ANKRD62: variants seen among roughly 807,000 people sequenced by gnomAD.
The protein encoded by ANKRD62 is ankyrin repeat domain 62.
ANKRD62 carries 61 observed loss-of-function variants against 98.8 expected under a neutral mutation model. The ratio of observed to expected loss-of-function variants is 0.62; its 90% CI spans 0.50 to 0.76. The LOEUF (loss-of-function observed/expected upper bound fraction) is 0.76, where lower values mean the gene tolerates loss of function less well. Among genes scored for constraint, ANKRD62 ranks in the 30% least tolerant of loss-of-function variants. ANKRD62 has a pLI of 0.00. For synonymous variants in ANKRD62, 341 were observed against 367.9 expected (o/e 0.93, Z 0.84); for missense variants, 933 against 1,082.9 (o/e 0.86, Z 1.94).
intron 10 of ANKRD62, among the ~76,000 whole-genome samples, chr18:12,116,888 T>TA (rs1454698738): frequency 3.9e-5 from 6 of 152,142 alleles, no homozygotes; most frequent in Non-Finnish European, 5.9e-5. Flanking sequence ...TCCTACTCTT[T>TA]AAAAAAATGG....
the ANKRD62 span, among the ~76,000 whole-genome samples, chr18:12,144,895 C>T: frequency 7.8e-6 from 1 of 127,922 alleles, no homozygotes; most frequent in Admixed American, 8.3e-5. Flanking sequence ...TGTAATCCCA[C>T]CACTTTGGGA....
At chr18:12,167,848 T>C in the ANKRD62 span, among the ~76,000 whole-genome samples, 6 of 152,206 alleles carry the variant, frequency 3.9e-5, no homozygotes, top group Non-Finnish European at 5.9e-5. Context: ...TGGTATCTCA[T>C]TGTGGTTTTG....
chr18:12,179,642 G>T, the ANKRD62 span, among the ~76,000 whole-genome samples: 1 of 151,398 alleles, frequency 6.6e-6, no homozygotes, highest in Non-Finnish European at 1.5e-5. Flanking sequence ...CTGCTGCCTG[G>T]AACACTGTCC....
At chr18:12,108,588 T>C (rs890300981) in intron 8 of ANKRD62, among the ~76,000 whole-genome samples, 2 of 152,178 alleles carry the variant, frequency 1.3e-5, no homozygotes, top group African/African-American at 4.8e-5. Flanking sequence ...TCAAATCTCA[T>C]GTCCTTTTCA....
chr18:12,115,696 C>T (rs1376582970), intron 10 of ANKRD62, among the ~76,000 whole-genome samples, 162 bp downstream of exon 10: 1 of 152,122 alleles, frequency 6.6e-6, no homozygotes, highest in Non-Finnish European at 1.5e-5. Context: ...ATCTTGTATA[C>T]TCTTAGCCAA....
chr18:12,120,250 A>G (rs11663207), intron 10 of ANKRD62, among the ~76,000 whole-genome samples: 1 of 152,040 alleles, frequency 6.6e-6, no homozygotes, highest in Admixed American at 6.6e-5. Flanking sequence ...ACTTCAGATT[A>G]CCTAGAAATT....
chr18:12,156,336 T>A, the ANKRD62 span, among the ~76,000 whole-genome samples: 1 of 152,112 alleles, frequency 6.6e-6, no homozygotes, highest in African/African-American at 2.4e-5. Context: ...TCAAAAATAT[T>A]CTCCAACTCC....
At chr18:12,109,126 C>T (rs1368242901) in intron 8 of ANKRD62, among the ~76,000 whole-genome samples, 1 of 152,232 alleles carries the variant, frequency 6.6e-6, no homozygotes, top group Non-Finnish European at 1.5e-5. Flanking sequence ...CCATTGGCAA[C>T]TCTTTTTGGG....
chr18:12,146,521 C>T, the ANKRD62 span, among the ~76,000 whole-genome samples: 1 of 152,200 alleles, frequency 6.6e-6, no homozygotes, highest in Non-Finnish European at 1.5e-5. Flanking sequence ...TCTCGGCTCA[C>T]CGCAACCTCC....
At chr18:12,120,473 A>G (rs1909760780) in intron 10 of ANKRD62, among the ~76,000 whole-genome samples, 1 of 152,182 alleles carries the variant, frequency 6.6e-6, no homozygotes, top group Non-Finnish European at 1.5e-5. Flanking sequence ...GTCTTCTGTC[A>G]AGTGTTAGCA....
At chr18:12,102,361 G>A in intron 6 of ANKRD62, 1 of 621,624 alleles carries the variant, frequency 1.6e-6, no homozygotes, top group Non-Finnish European at 3.0e-6. Context: ...GGGTAGGTCG[G>A]TTCTGAAGTA....
At chr18:12,160,533 GGT>G in the ANKRD62 span, among the ~76,000 whole-genome samples, 2 of 152,042 alleles carry the variant, frequency 1.3e-5, no homozygotes, top group African/African-American at 2.4e-5. Flanking sequence ...GAGAGAATTT[GGT>G]AAGTTTTTAG....
At chr18:12,122,581 T>A (rs1343133774) in intron 11 of ANKRD62, 65 bp downstream of exon 11, 25 of 1,325,254 alleles carry the variant, frequency 1.9e-5, no homozygotes, top group Non-Finnish European at 2.4e-5. Context: ...AGGATAATTT[T>A]TGTAATAGCT....
intron 10 of ANKRD62, among the ~76,000 whole-genome samples, chr18:12,122,077 T>A (rs1358892163): frequency 2.0e-5 from 3 of 152,238 alleles, no homozygotes; most frequent in Non-Finnish European, 2.9e-5. Context: ...AATTTGTAAT[T>A]GTCACATTTT....
At chr18:12,176,064 T>C in the ANKRD62 span, among the ~76,000 whole-genome samples, 29 of 151,562 alleles carry the variant, frequency 1.9e-4, no homozygotes, top group Non-Finnish European at 4.0e-4. Context: ...TGGTGGCGCA[T>C]GCCTGTAATC....
intron 8 of ANKRD62, among the ~76,000 whole-genome samples, chr18:12,111,109 C>A (rs879379718): frequency 6.6e-6 from 1 of 151,914 alleles, no homozygotes; most frequent in Non-Finnish European, 1.5e-5. Context: ...ATTAGCCAGA[C>A]GTGGTGGCAC....
In ANKRD62 at chr18:12,125,659, C is replaced by G. The variant is rs1371083093; in HGVS notation, c.1838C>G (p.Ala613Gly). 3 of 1,532,158 alleles carry G rather than the reference C, an allele frequency of 2.0e-6. No individual in the cohort carries two copies. The highest frequency in any genetic ancestry group is 1.2e-5 in the South Asian group (1 of 82,904). 94.9% of individuals were successfully genotyped at this position (1,532,158 alleles called of 1,614,324 possible). A position where few individuals can be genotyped will look rare whatever the true frequency, so the allele number is the denominator to read the frequency against. The change falls in exon 13 of 14, where the codon GCA (alanine) becomes GGA (glycine). Residue 613 changes from alanine to glycine, a missense_variant. Ala to Gly is a moderately conservative substitution (Grantham distance 60). Transcript: ENST00000587848. ...AAGACTCTCAAGCGGAATGAGGAAG[C>G]ATTAACAAAAACAATAACCCGGTAT... ...LEKTLKRNEE[A>G]LTKTITRYSK...
chr18:12,137,908 T>C, the ANKRD62 span, among the ~76,000 whole-genome samples: 1 of 152,258 alleles, frequency 6.6e-6, no homozygotes, highest in Non-Finnish European at 1.5e-5. Flanking sequence ...TTGTCATTTT[T>C]TATTGCATCT....
the ANKRD62 span, among the ~76,000 whole-genome samples, chr18:12,169,666 T>G: frequency 2.6e-5 from 4 of 152,214 alleles, no homozygotes; most frequent in African/African-American, 9.6e-5. Context: ...TTAGGGAGGA[T>G]TCCCTCTTTT....
Sources: allele counts gnomAD v4.1 joint callset (sites outside exome capture counted in the v4.1 genomes callset), GRCh38; gene constraint gnomAD v4.1.1; transcripts MANE v1.5; gene names NCBI Gene and HGNC (gene_info 2026-07-23, HGNC 2026-07-21).